DNAH9: variants seen among roughly 807,000 people sequenced by gnomAD.
The protein encoded by DNAH9 is DNAH9 variant protein.
Under a neutral mutation model 471.6 loss-of-function variants are expected in DNAH9, and 345 were observed. That is an observed-to-expected ratio of 0.73 (90% CI 0.67 to 0.80). The LOEUF (loss-of-function observed/expected upper bound fraction) is 0.80. Among genes scored for constraint, DNAH9 ranks in the 30% least tolerant of loss-of-function variants. DNAH9 has a pLI of 0.00. For synonymous variants in DNAH9, 2,093 were observed against 2,123.6 expected (o/e 0.99, Z 0.40); for missense variants, 5,407 against 5,609.2 (o/e 0.96, Z 1.15).
chr17:11,936,792 T>A (rs1269678511), intron 65 of DNAH9, among the ~76,000 whole-genome samples: 2 of 152,172 alleles, frequency 1.3e-5, no homozygotes, highest in African/African-American at 2.4e-5. Flanking sequence ...TTTTTTTATT[T>A]GAATACCTTT....
chr17:11,658,326 T>G (rs2073692253), intron 14 of DNAH9, among the ~76,000 whole-genome samples: 2 of 152,146 alleles, frequency 1.3e-5, no homozygotes. Flanking sequence ...TACTATCAGG[T>G]AGTGTATACA....
rs566552434 is a variant in DNAH9, at chr17:11,904,235, A to G, written c.11600+1323A>G. ...GATGTCACCCAGGCTGAAAGAGAAA[A>G]AGACAGTGAAAGAGGAGAGTGACTG... On this transcript the variant is annotated intron_variant, in intron 60 of 68. Coordinates refer to ENST00000262442, the MANE Select transcript of DNAH9 (RefSeq NM_001372.4). Among the ~76,000 whole-genome samples, 17 of 152,234 alleles carry G rather than the reference A, an allele frequency of 1.1e-4. 1 individual carries two copies. The South Asian group carries it at 3.1e-3, about 28-fold the overall frequency.
In DNAH9 at chr17:11,886,779, G is replaced by T. The variant is rs752257698; in HGVS notation, c.10972-46G>T. ...GAGGGGCCAAGTTGATTCTCAGGAA[G>T]CCCAGGTTGGTTGGAACAGTGGGCT... On this transcript the variant is annotated intron_variant, in intron 56 of 68. Coordinates refer to ENST00000262442, the MANE Select transcript of DNAH9 (RefSeq NM_001372.4). The T allele has an allele frequency of 5.8e-6, 9 of 1,563,916 alleles. No homozygotes were observed. In the Admixed American group the frequency reaches 1.5e-4, roughly 25 times the overall value.
At chr17:11,713,834 C>G (rs575040384) in intron 26 of DNAH9, among the ~76,000 whole-genome samples, 2 of 152,252 alleles carry the variant, frequency 1.3e-5, no homozygotes, top group South Asian at 4.1e-4. Flanking sequence ...CCTAGAATTT[C>G]TAATCATATT....
intron 27 of DNAH9, among the ~76,000 whole-genome samples, chr17:11,722,481 T>C (rs371726476): frequency 6.6e-6 from 1 of 152,214 alleles, no homozygotes; most frequent in East Asian, 1.9e-4. Flanking sequence ...GTAGTAGACA[T>C]GGAAAAGCAT....
Position 11,619,281 on chromosome 17 carries a change from C to T in DNAH9, c.1117-267C>T, listed in dbSNP as rs535763878. Among the ~76,000 whole-genome samples the T allele has an allele frequency of 1.7e-3, 4 of 2,402 alleles. No homozygotes were observed. In the East Asian group the frequency reaches 0.4, roughly 240 times the overall value. 1.6% of individuals were successfully genotyped at this position (2,402 alleles called of 152,430 possible). On this transcript the variant is annotated intron_variant, in intron 5 of 68. Transcript: ENST00000262442. The stretch of plus-strand genomic sequence containing the variant: ...ACCTGGGAAAGGGCACCTGCTCCAG[C>T]CCCAGCTAGCCAACAAAGTCTCATT...
At chr17:11,636,529 T>C in intron 8 of DNAH9, 105 bp from the exon 9 acceptor site, 1 of 790,852 alleles carries the variant, frequency 1.3e-6, no homozygotes, top group Non-Finnish European at 2.1e-6. Context: ...TCACTCTTCT[T>C]ACATTGGTAG....
rs777684444 is a variant in DNAH9 at position 11,881,407 on chromosome 17, G to A, written c.10800G>A (p.Gln3600=). The change falls in exon 55 of 69, where the codon CAG becomes CAA. Residue 3600 remains glutamine (Q), a synonymous_variant. Coordinates refer to ENST00000262442, the MANE Select transcript of DNAH9 (RefSeq NM_001372.4). ...GCATGGAGAGGCCAGACTTGGAGCA[G>A]CTGAAGGTGAGGACAGAAGGGAGAA... ...VVSMERPDLE[Q]LKSDLTKQQN... The A allele has an allele frequency of 1.9e-6, 3 of 1,612,430 alleles. No homozygotes were observed. The highest frequency in any genetic ancestry group is 2.2e-5 in the East Asian group (1 of 44,808).
chr17:11,787,380 A>C (rs1968911621), intron 41 of DNAH9, among the ~76,000 whole-genome samples: 1 of 152,230 alleles, frequency 6.6e-6, no homozygotes, highest in Non-Finnish European at 1.5e-5. Context: ...ATAGTTCACA[A>C]TGTACAGAGC....
chr17:11,838,862 C>T (rs540302269), intron 49 of DNAH9, among the ~76,000 whole-genome samples: 1 of 152,334 alleles, frequency 6.6e-6, no homozygotes, highest in Admixed American at 6.5e-5. Flanking sequence ...TTAAACCCTT[C>T]TGCACTCACA....
Position 11,871,666 on chromosome 17 carries a change from G to A in DNAH9, c.10122G>A (p.Arg3374=), listed in dbSNP as rs1429164266. 6.2e-7 allele frequency: 1 copy of A among 1,614,100 alleles called. No homozygotes were observed. The highest frequency in any genetic ancestry group is 8.5e-7 in the Non-Finnish European group (1 of 1,180,042). The change falls in exon 52 of 69, where the codon AGG becomes AGA. Residue 3374 remains arginine, a synonymous_variant. Coordinates refer to ENST00000262442, the MANE Select transcript of DNAH9 (RefSeq NM_001372.4). ...DAVQNFKQQE[R]TLCGDILLIT... is the part of the protein sequence containing the mutation. ...TGCAGAACTTCAAACAGCAGGAAAG[G>A]ACGTTATGTGGAGACATTTTACTTA...
chr17:11,729,902 C>T (rs906052322), intron 28 of DNAH9, among the ~76,000 whole-genome samples: 8 of 152,210 alleles, frequency 5.3e-5, no homozygotes, highest in Non-Finnish European at 2.9e-5. Context: ...AGACCATCCG[C>T]AAATCCATGC....
intron 1 of DNAH9, among the ~76,000 whole-genome samples, chr17:11,605,631 C>A (rs2072487550): frequency 6.6e-6 from 1 of 151,624 alleles, no homozygotes; most frequent in South Asian, 2.1e-4. Flanking sequence ...TCCTTAGTAA[C>A]TGGGACTACA....
At position 11,875,056 on chromosome 17, in the gene DNAH9, G is replaced by A. The variant is rs1972422446; in HGVS notation, c.10350G>A (p.Val3450=). The change falls in exon 53 of 69, where the codon GTG becomes GTA. Residue 3450 remains valine (V), a synonymous_variant. Coordinates refer to ENST00000262442, the MANE Select transcript of DNAH9 (RefSeq NM_001372.4). The part of the protein sequence containing the change: ...NEGLPADRMS[V]ENATILINCE... ...GCCTCCCAGCCGACCGCATGTCCGTGGAGAATGCCACCATTCTCATCAACT... is the reference window on the plus strand; with the variant it reads ...GCCTCCCAGCCGACCGCATGTCCGTAGAGAATGCCACCATTCTCATCAACT... 8.7e-6 allele frequency: 14 copies of A among 1,613,990 alleles called. No individual in the cohort carries two copies. Among genetic ancestry groups the A allele is most frequent in the Middle Eastern group, 1.6e-4 (1 of 6,084 alleles).
At chr17:11,764,874 T>C (rs1407237129) in intron 36 of DNAH9, among the ~76,000 whole-genome samples, 1 of 152,216 alleles carries the variant, frequency 6.6e-6, no homozygotes, top group South Asian at 2.1e-4. Flanking sequence ...GTGTATACTT[T>C]TTTCCAAACT....
In DNAH9 at chr17:11,651,058, C is replaced by G. The variant is rs372233113; in HGVS notation, c.2098-11C>G. On this transcript the variant is annotated splice_polypyrimidine_tract_variant and intron_variant, in intron 12 of 68. Transcript: ENST00000262442. ...TGAACGACAGACACTTGTGTTGCTT[C>G]TTTTCTCCAGCTGATTTCAGTGCTG... The G allele has an allele frequency of 2.5e-6, 4 of 1,611,056 alleles. No individual in the cohort carries two copies. In the African/African-American group the frequency reaches 5.3e-5, roughly 22 times the overall value.
At chr17:11,638,090 G>A (rs746218001) in intron 9 of DNAH9, among the ~76,000 whole-genome samples, 6 of 152,164 alleles carry the variant, frequency 3.9e-5, no homozygotes, top group African/African-American at 7.2e-5. Flanking sequence ...TCAGTGTGCC[G>A]CCTTAGGGAA....
At chr17:11,847,464 G>A (rs1192367561) in intron 49 of DNAH9, among the ~76,000 whole-genome samples, 1 of 152,162 alleles carries the variant, frequency 6.6e-6, no homozygotes, top group Admixed American at 6.5e-5. Context: ...TATTGAATAG[G>A]GAGTCCTTTC....
At chr17:11,784,583 T>C (rs1968793426) in intron 41 of DNAH9, 44 bp downstream of exon 41, 6 of 1,612,208 alleles carry the variant, frequency 3.7e-6, no homozygotes, top group Non-Finnish European at 5.1e-6. Context: ...TTAGTGATTA[T>C]CCAGATGCTC....
Sources: gnomAD v4.1 joint callset for allele counts (sites outside exome capture counted in the v4.1 genomes callset) on GRCh38, gnomAD v4.1.1 for gene constraint, MANE v1.5 for transcripts, NCBI Gene and HGNC (gene_info 2026-07-23, HGNC 2026-07-21) for gene names.